The following LRRC37A2 variants were observed in gnomAD, a reference collection of about 807,000 sequenced individuals.
The protein encoded by LRRC37A2 is leucine rich repeat containing 37 member A2, also known as leucine-rich repeat-containing protein 37A2.
Under a neutral mutation model 68.8 loss-of-function variants are expected in LRRC37A2, and 9 were observed. That is an observed-to-expected ratio of 0.13 (90% CI 0.08 to 0.23). The LOEUF (loss-of-function observed/expected upper bound fraction) is 0.23, where lower values mean the gene tolerates loss of function less well. LRRC37A2 is among the 10% of genes least tolerant of loss of function. LRRC37A2 has a pLI of 1.00. For synonymous variants in LRRC37A2, 63 were observed against 367.6 expected, an observed-to-expected ratio of 0.17 and a Z score of 9.48; for missense variants, 168 against 950.4, an observed-to-expected ratio of 0.18 and a Z score of 10.82.
chr17:46,678,243 CTT>C, the LRRC37A2 span, among the ~76,000 whole-genome samples: 2 of 112,644 alleles, frequency 1.8e-5, no homozygotes, highest in Non-Finnish European at 3.6e-5. Flanking sequence ...CAGATACAGA[CTT>C]TTGAAATAAT....
chr17:47,021,935 C>T, the LRRC37A2 span: 1 of 1,512,562 alleles, frequency 6.6e-7, no homozygotes, highest in South Asian at 1.1e-5. Flanking sequence ...AGTATATTCT[C>T]TCCAAATATG....
the LRRC37A2 span, among the ~76,000 whole-genome samples, chr17:47,016,129 G>A: frequency 2.0e-3 from 309 of 152,180 alleles, 6 homozygotes; most frequent in East Asian, 0.051. Flanking sequence ...ATTTTTAGTA[G>A]AGATGGAGTT....
chr17:47,049,063 A>G, the LRRC37A2 span: 1 of 635,210 alleles, frequency 1.6e-6, no homozygotes, highest in Non-Finnish European at 2.8e-6. Context: ...TAGGTTTAGG[A>G]TTGGGTGTGT....
At chr17:46,855,710 T>C in the LRRC37A2 span, among the ~76,000 whole-genome samples, 1 of 152,350 alleles carries the variant, frequency 6.6e-6, no homozygotes, top group South Asian at 2.1e-4. Flanking sequence ...ATTTATTTAT[T>C]TATTTAGAGA....
chr17:46,455,598 T>A, the LRRC37A2 span, among the ~76,000 whole-genome samples: 4 of 104,590 alleles, frequency 3.8e-5, no homozygotes, highest in Admixed American at 3.8e-4. Context: ...GTATTGTACT[T>A]TTTTTCTTAA....
At chr17:46,816,135 A>T in the LRRC37A2 span, among the ~76,000 whole-genome samples, 3 of 53,762 alleles carry the variant, frequency 5.6e-5, no homozygotes, top group African/African-American at 1.9e-4. Context: ...ACACACTCAC[A>T]CACACGCACG....
the LRRC37A2 span, among the ~76,000 whole-genome samples, chr17:47,028,650 T>C: frequency 3.9e-5 from 6 of 152,100 alleles, no homozygotes; most frequent in African/African-American, 1.2e-4. Flanking sequence ...GGCTCAGACC[T>C]GTAATCCCAG....
the LRRC37A2 span, among the ~76,000 whole-genome samples, chr17:46,819,178 G>T: frequency 6.6e-6 from 1 of 152,118 alleles, no homozygotes; most frequent in Non-Finnish European, 1.5e-5. The surrounding 1 kb of genome is among the most constrained non-coding windows in gnomAD (Gnocchi z 5.3). Context: ...GGATCAGAGG[G>T]TGGGGGAACG....
At chr17:46,793,014 C>G in the LRRC37A2 span, among the ~76,000 whole-genome samples, 1 of 151,746 alleles carries the variant, frequency 6.6e-6, no homozygotes, top group South Asian at 2.1e-4. Context: ...CCTGTAAACC[C>G]GGCACTTTGA....
chr17:46,802,064 A>G, the LRRC37A2 span, among the ~76,000 whole-genome samples: 117 of 152,290 alleles, frequency 7.7e-4, no homozygotes, highest in Admixed American at 5.5e-3. Context: ...GCCTGTACGC[A>G]TGTTTGTGAT....
At chr17:46,890,664 T>C in the LRRC37A2 span, among the ~76,000 whole-genome samples, 1 of 152,238 alleles carries the variant, frequency 6.6e-6, no homozygotes, top group Admixed American at 6.5e-5. Context: ...AGGCATGGCC[T>C]GTCTTTGTGA....
At chr17:46,532,023 C>G (rs984422738) in intron 6 of LRRC37A2, among the ~76,000 whole-genome samples, 1 of 149,592 alleles carries the variant, frequency 6.7e-6, no homozygotes, top group Non-Finnish European at 1.5e-5. Context: ...TTATTTTGCA[C>G]ATAGATGTTC....
the LRRC37A2 span, among the ~76,000 whole-genome samples, chr17:46,817,118 C>G: frequency 6.6e-6 from 1 of 152,184 alleles, no homozygotes; most frequent in East Asian, 1.9e-4. Flanking sequence ...TGGCCATGTC[C>G]CCACCCTCTC....
chr17:46,885,204 C>T, the LRRC37A2 span: 1 of 314,504 alleles, frequency 3.2e-6, no homozygotes, highest in Non-Finnish European at 6.2e-6. Flanking sequence ...TGAGGTTTCT[C>T]CATGTTGGTC....
chr17:47,021,142 A>C, the LRRC37A2 span, among the ~76,000 whole-genome samples: 1 of 152,232 alleles, frequency 6.6e-6, no homozygotes, highest in Admixed American at 6.5e-5. Flanking sequence ...TGAAAGTTAC[A>C]CAATGAGGTA....
chr17:46,876,803 T>C, the LRRC37A2 span: 2 of 1,453,352 alleles, frequency 1.4e-6, no homozygotes, highest in East Asian at 2.5e-5. Context: ...CTGGGCAGAC[T>C]GTCATCACAT....
At chr17:46,914,521 C>T in the LRRC37A2 span, among the ~76,000 whole-genome samples, 1 of 151,690 alleles carries the variant, frequency 6.6e-6, no homozygotes, top group African/African-American at 2.4e-5. Context: ...CGTAGTGGTG[C>T]ATGCCTGTAG....
the LRRC37A2 span, chr17:47,017,777 G>A: frequency 2.5e-6 from 4 of 1,610,534 alleles, no homozygotes; most frequent in South Asian, 1.1e-5. Context: ...CCGGTAGCCT[G>A]CCTCCAGAAC....
chr17:47,026,387 G>C, the LRRC37A2 span, among the ~76,000 whole-genome samples: 2 of 152,232 alleles, frequency 1.3e-5, no homozygotes, highest in Non-Finnish European at 1.5e-5. Context: ...TACCACAGCA[G>C]TGCTGTAAGG....
Sources: allele counts gnomAD v4.1 joint callset (sites outside exome capture counted in the v4.1 genomes callset), GRCh38; gene constraint gnomAD v4.1.1; non-coding constraint Gnocchi (gnomAD v3.1); transcripts MANE v1.5; gene names NCBI Gene and HGNC (gene_info 2026-07-23, HGNC 2026-07-21).